The following PPP3CA variants were observed in gnomAD, a reference collection of about 807,000 sequenced individuals.
The protein encoded by PPP3CA is protein phosphatase 3 catalytic subunit alpha.
In PPP3CA, 14 loss-of-function variants were observed where a neutral mutation model predicts 66.5. That is an observed-to-expected ratio of 0.21 (90% CI 0.14 to 0.33). PPP3CA has a LOEUF of 0.33. PPP3CA is among the 10% of genes least tolerant of loss of function. The probability of loss-of-function intolerance (pLI) is 1.00; values close to 1 mark genes in which losing one functional copy is unlikely to be tolerated. For synonymous variants in PPP3CA, 232 were observed against 226.2 expected (o/e 1.03, Z -0.23); for missense variants, 317 against 639.5 (o/e 0.50, Z 5.44).
chr4:101,235,431 T>TCTCACACA lies in PPP3CA; in HGVS notation c.59-39316_59-39315insTGTGTGAG, dbSNP rs1553934726. 8.1e-5 allele frequency among the ~76,000 whole-genome samples: 12 copies of TCTCACACA among 148,266 alleles called. No homozygotes were observed. The East Asian group carries it at 2.4e-3, about 30-fold the overall frequency. On this transcript the variant is annotated intron_variant, in intron 1 of 13. Coordinates refer to ENST00000394854, the MANE Select transcript of PPP3CA (RefSeq NM_000944.5). ...ACAATATCAGAACCTAAACATACACTCACACACACACACACACACACACAG... is the reference window on the plus strand; with the variant it reads ...ACAATATCAGAACCTAAACATACACTCTCACACACACACACACACACACACACACACAG...
chr4:101,220,020 G>T (rs79690524), intron 1 of PPP3CA, among the ~76,000 whole-genome samples: 20 of 151,706 alleles, frequency 1.3e-4, no homozygotes, highest in African/African-American at 4.6e-4. Context: ...TTTCTTGCAC[G>T]CCATGTCATC....
intron 1 of PPP3CA, among the ~76,000 whole-genome samples, chr4:101,239,160 G>A (rs1287029351): frequency 1.3e-5 from 2 of 152,088 alleles, no homozygotes; most frequent in Non-Finnish European, 2.9e-5. Context: ...AGAGTGTTCT[G>A]TCTTCCCTTT....
chr4:101,300,347 G>T (rs995559108), intron 1 of PPP3CA, among the ~76,000 whole-genome samples: 1 of 152,180 alleles, frequency 6.6e-6, no homozygotes, highest in Non-Finnish European at 1.5e-5. Flanking sequence ...TCAAAAATTG[G>T]CAGTCACACA....
intron 2 of PPP3CA, among the ~76,000 whole-genome samples, chr4:101,136,533 T>C (rs926661950): frequency 6.9e-6 from 1 of 144,714 alleles, no homozygotes; most frequent in African/African-American, 2.8e-5. Flanking sequence ...AGAACGAGAC[T>C]CCGCCTCAAA....
chr4:101,192,919 G>A (rs1724655520), intron 2 of PPP3CA, among the ~76,000 whole-genome samples: 1 of 152,112 alleles, frequency 6.6e-6, no homozygotes, highest in African/African-American at 2.4e-5. Flanking sequence ...TTCACAACAG[G>A]TAGGACCCCA....
chr4:101,331,056 A>G (rs1281836063), intron 1 of PPP3CA, among the ~76,000 whole-genome samples: 1 of 152,236 alleles, frequency 6.6e-6, no homozygotes, highest in African/African-American at 2.4e-5. Flanking sequence ...ATGTTCAGCC[A>G]AAATGATTTC....
intron 2 of PPP3CA, among the ~76,000 whole-genome samples, chr4:101,157,996 T>C (rs1182382935): frequency 6.6e-6 from 1 of 152,038 alleles, no homozygotes; most frequent in African/African-American, 2.4e-5. Context: ...AATAATGATG[T>C]CATATTGATA....
chr4:101,160,797 G>A (rs926379501), intron 2 of PPP3CA, among the ~76,000 whole-genome samples: 4 of 152,072 alleles, frequency 2.6e-5, no homozygotes, highest in African/African-American at 9.7e-5. Context: ...GTATGTGAGT[G>A]AAGGTATCCA....
At chr4:101,198,870 G>C (rs1251559331) in intron 1 of PPP3CA, among the ~76,000 whole-genome samples, 1 of 152,068 alleles carries the variant, frequency 6.6e-6, no homozygotes, top group African/African-American at 2.4e-5. Context: ...TGAGATATTG[G>C]CGCTGGTTCC....
chr4:101,055,638 A>G (rs1728193169), intron 10 of PPP3CA, among the ~76,000 whole-genome samples: 1 of 152,140 alleles, frequency 6.6e-6, no homozygotes, highest in Non-Finnish European at 1.5e-5. Flanking sequence ...TAACGAAGAG[A>G]GAATCATGAC....
intron 1 of PPP3CA, among the ~76,000 whole-genome samples, chr4:101,277,080 C>A (rs1727519622): frequency 6.6e-6 from 1 of 152,176 alleles, no homozygotes; most frequent in Admixed American, 6.5e-5. Context: ...GATCTACCCA[C>A]TTGCCCTGGG....
chr4:101,274,407 T>C (rs962326202), intron 1 of PPP3CA, among the ~76,000 whole-genome samples: 4 of 152,060 alleles, frequency 2.6e-5, no homozygotes, highest in Non-Finnish European at 5.9e-5. Context: ...TTGAAGGATA[T>C]TTCAGCTGTT....
chr4:101,250,524 C>A (rs559162251), intron 1 of PPP3CA, among the ~76,000 whole-genome samples: 11 of 152,282 alleles, frequency 7.2e-5, no homozygotes, highest in African/African-American at 2.2e-4. Flanking sequence ...AGGCTTCCTG[C>A]CTTCTTGTCT....
intron 1 of PPP3CA, among the ~76,000 whole-genome samples, chr4:101,224,176 C>T (rs1725710479): frequency 6.6e-6 from 1 of 151,754 alleles, no homozygotes; most frequent in Admixed American, 6.6e-5. Flanking sequence ...TTAATAATTA[C>T]ACTGGGACAG....
intron 1 of PPP3CA, among the ~76,000 whole-genome samples, chr4:101,256,950 G>A (rs1415598741): frequency 1.3e-5 from 2 of 151,922 alleles, no homozygotes; most frequent in Non-Finnish European, 1.5e-5. Context: ...TGTGTTTTAC[G>A]CTTGAAGAAA....
intron 1 of PPP3CA, among the ~76,000 whole-genome samples, chr4:101,250,828 T>C (rs1726651109): frequency 1.3e-5 from 2 of 152,148 alleles, no homozygotes; most frequent in South Asian, 4.1e-4. Flanking sequence ...ATAAATATAA[T>C]AGATTGCTAA....
At chr4:101,247,909 A>T (rs1273048951) in intron 1 of PPP3CA, among the ~76,000 whole-genome samples, 1 of 152,128 alleles carries the variant, frequency 6.6e-6, no homozygotes, top group East Asian at 1.9e-4. Flanking sequence ...ACACACACAC[A>T]CACTTTTTAA....
intron 1 of PPP3CA, among the ~76,000 whole-genome samples, chr4:101,199,773 ATTGT>A (rs1488488313): frequency 6.6e-6 from 1 of 152,152 alleles, no homozygotes; most frequent in East Asian, 1.9e-4. Context: ...ATGACATGAA[ATTGT>A]TTCTTTTTCT....
At chr4:101,331,862 G>A (rs888591518) in intron 1 of PPP3CA, among the ~76,000 whole-genome samples, 4 of 151,984 alleles carry the variant, frequency 2.6e-5, no homozygotes, top group Admixed American at 2.0e-4. Context: ...CATGTGATAG[G>A]GTCAAATTCC....
Sources: allele counts gnomAD v4.1 joint callset (sites outside exome capture counted in the v4.1 genomes callset), GRCh38; gene constraint gnomAD v4.1.1; transcripts MANE v1.5; gene names NCBI Gene and HGNC (gene_info 2026-07-23, HGNC 2026-07-21).